Variants in NEK6 observed in about 807,000 individuals in gnomAD.
NEK6 encodes serine/threonine-protein kinase Nek6.
In NEK6, 27 loss-of-function variants were observed where a neutral mutation model predicts 43.5. The ratio of observed to expected loss-of-function variants is 0.62; its 90% CI spans 0.46 to 0.86. NEK6 has a LOEUF of 0.86. Among genes scored for constraint, NEK6 ranks in the 40% least tolerant of loss-of-function variants. The pLI is 0.00. For missense variants in NEK6, 318 were observed against 414.4 expected (o/e 0.77, Z 2.02); for synonymous variants, 167 against 164.1 (o/e 1.02, Z -0.14).
intron 7 of NEK6, among the ~76,000 whole-genome samples, chr9:124,332,979 G>A (rs1483905732): frequency 1.3e-5 from 2 of 152,188 alleles, no homozygotes; most frequent in African/African-American, 4.8e-5. Context: ...CTGCCTCTGC[G>A]TCTCGGCATC....
At chr9:124,304,145 C>T (rs1833138273) in intron 2 of NEK6, among the ~76,000 whole-genome samples, 1 of 152,246 alleles carries the variant, frequency 6.6e-6, no homozygotes, top group Non-Finnish European at 1.5e-5. Flanking sequence ...CGCAAGGCCA[C>T]CCATGTGCCG....
At chr9:124,295,394 G>A (rs568686693) in intron 1 of NEK6, among the ~76,000 whole-genome samples, 2 of 152,212 alleles carry the variant, frequency 1.3e-5, no homozygotes, top group Non-Finnish European at 2.9e-5. Flanking sequence ...AATGGGCAAC[G>A]TCTGCTTATC....
At chr9:124,341,933 TTAAATC>T (rs1237839109) in intron 8 of NEK6, among the ~76,000 whole-genome samples, 4 of 152,046 alleles carry the variant, frequency 2.6e-5, no homozygotes, top group African/African-American at 9.7e-5. Flanking sequence ...GGAGAAGACG[TTAAATC>T]CAGGTGGGGA....
intron 9 of NEK6, among the ~76,000 whole-genome samples, chr9:124,350,374 G>A (rs1830190954): frequency 6.9e-6 from 1 of 144,188 alleles, no homozygotes; most frequent in East Asian, 2.2e-4. Context: ...CGTCTTTCAT[G>A]AGCACAATAA....
intron 1 of NEK6, among the ~76,000 whole-genome samples, chr9:124,277,369 A>G (rs1456094151): frequency 6.6e-6 from 1 of 152,182 alleles, no homozygotes; most frequent in African/African-American, 2.4e-5. Context: ...TCTCTTGAAC[A>G]TGGGAGGCGG....
chr9:124,297,746 A>G (rs531715318), intron 1 of NEK6, among the ~76,000 whole-genome samples: 1 of 152,320 alleles, frequency 6.6e-6, no homozygotes, highest in Admixed American at 6.5e-5. Context: ...GCAACTTGGC[A>G]GGAGCCGCGG....
intron 2 of NEK6, among the ~76,000 whole-genome samples, chr9:124,310,321 A>G (rs1171240562): frequency 8.5e-5 from 13 of 152,234 alleles, no homozygotes. Context: ...TGCAGTAGAC[A>G]CTCAGGATGC....
intron 9 of NEK6, among the ~76,000 whole-genome samples, chr9:124,348,023 T>C (rs760424421): frequency 2.0e-5 from 3 of 152,220 alleles, no homozygotes; most frequent in Admixed American, 6.5e-5. Flanking sequence ...GCAGCTCCAG[T>C]GTGGGACCCC....
intron 8 of NEK6, among the ~76,000 whole-genome samples, chr9:124,344,454 C>T (rs528667433): frequency 9.1e-4 from 139 of 152,316 alleles, no homozygotes; most frequent in African/African-American, 3.2e-3. Flanking sequence ...ACCTGGCCCT[C>T]GGGTGGGGCC....
chr9:124,323,289 A>C (rs1834164223), intron 5 of NEK6, among the ~76,000 whole-genome samples: 1 of 152,244 alleles, frequency 6.6e-6, no homozygotes, highest in Non-Finnish European at 1.5e-5. Flanking sequence ...GTCCAGAAGC[A>C]GAAACGGTCC....
chr9:124,351,770 G>A lies in NEK6; in HGVS notation c.*823G>A, dbSNP rs1173776726. ...TCTGCAACTTCCTAGCGTGACTTTGGGCTTGGGCAAGTTTCTTAGCCGTTC... is the reference window on the plus strand; with the variant it reads ...TCTGCAACTTCCTAGCGTGACTTTGAGCTTGGGCAAGTTTCTTAGCCGTTC... On this transcript the variant is annotated 3_prime_UTR_variant, in exon 10 of 10. Transcript: ENST00000320246. The A allele has an allele frequency of 1.3e-5, 2 of 152,180 alleles. No individual in the cohort carries two copies. The highest frequency in any genetic ancestry group is 6.5e-5 in the Admixed American group (1 of 15,278). The allele number at this position is 152,180 out of a possible 1,614,324, so 9.4% of individuals were successfully genotyped here.
chr9:124,281,487 CTTTTTT>C (rs759381068), intron 1 of NEK6, among the ~76,000 whole-genome samples: 35 of 102,964 alleles, frequency 3.4e-4, no homozygotes, highest in African/African-American at 4.7e-4. Flanking sequence ...GCTGTTTTTT[CTTTTTT>C]TTTTTTTTTT....
In NEK6 at chr9:124,325,044, G is replaced by A. The variant is rs191466165; in HGVS notation, c.406-1286G>A. Among the ~76,000 whole-genome samples, 71 of 152,164 alleles carry A rather than the reference G, an allele frequency of 4.7e-4. 1 individual carries two copies. The highest frequency in any genetic ancestry group is 3.4e-3 in the Middle Eastern group (1 of 294). On this transcript the variant is annotated intron_variant, in intron 5 of 9. Coordinates refer to ENST00000320246, the MANE Select transcript of NEK6 (RefSeq NM_014397.6). ...ACAAAAAATAGCTGGGCGTGGTGGC[G>A]CACACCTGTAATCCCAGCTACTCGG...
chr9:124,301,903 A>G (rs1832997421), intron 1 of NEK6, 33 bp from the exon 2 acceptor site: 6 of 1,517,542 alleles, frequency 4.0e-6, no homozygotes, highest in Non-Finnish European at 5.4e-6. Flanking sequence ...GGTCTCAAAG[A>G]GAAAGTGAAC....
chr9:124,340,504 G>A (rs562709678), intron 8 of NEK6, among the ~76,000 whole-genome samples: 1 of 152,212 alleles, frequency 6.6e-6, no homozygotes, highest in Non-Finnish European at 1.5e-5. Context: ...GCATCTATAA[G>A]ATGGGAACAG....
rs948792159 is a variant in NEK6 at position 124,290,677 on chromosome 9, A to G, written c.-29-11259A>G. On this transcript the variant is annotated intron_variant, in intron 1 of 9. Transcript: ENST00000320246. ...CCTGCAGAGCCCAGATTCCTCTCAC[A>G]GACTGGGTGGCGGGGGGTCTGTCTG... Among the ~76,000 whole-genome samples, 8 of 152,224 alleles carry G rather than the reference A, an allele frequency of 5.3e-5. No individual in the cohort carries two copies. The East Asian group carries it at 5.8e-4, about 11-fold the overall frequency.
intron 4 of NEK6, among the ~76,000 whole-genome samples, chr9:124,314,956 G>A (rs895954093): frequency 1.8e-4 from 28 of 152,232 alleles, no homozygotes; most frequent in Non-Finnish European, 3.1e-4. Flanking sequence ...CACCGCACCC[G>A]GCCCCCCATG....
intron 1 of NEK6, among the ~76,000 whole-genome samples, chr9:124,264,776 C>T (rs1040590469): frequency 1.4e-5 from 2 of 141,958 alleles, no homozygotes; most frequent in African/African-American, 5.3e-5. Context: ...GATTGTGCCA[C>T]TGCACTCCAG....
chr9:124,288,536 G>A (rs982573618), intron 1 of NEK6, among the ~76,000 whole-genome samples: 1 of 151,982 alleles, frequency 6.6e-6, no homozygotes, highest in South Asian at 2.1e-4. Context: ...CACTCACCTC[G>A]GCCTCCCAAA....
Sources: allele counts gnomAD v4.1 joint callset (sites outside exome capture counted in the v4.1 genomes callset), GRCh38; gene constraint gnomAD v4.1.1; transcripts MANE v1.5; gene names NCBI Gene and HGNC (gene_info 2026-07-23, HGNC 2026-07-21).